Variants in VPS13A observed in about 807,000 individuals in gnomAD.
The protein encoded by VPS13A is intermembrane lipid transfer protein VPS13A.
In VPS13A, 264 loss-of-function variants were observed where a neutral mutation model predicts 390.9. The ratio of observed to expected loss-of-function variants is 0.68; its 90% CI spans 0.61 to 0.75. The LOEUF is 0.75. VPS13A is among the 30% of genes least tolerant of loss of function. VPS13A has a pLI of 0.00. For synonymous variants in VPS13A, 1,231 were observed against 1,227.1 expected (o/e 1.00, Z -0.07); for missense variants, 3,409 against 3,733.9 (o/e 0.91, Z 2.27).
intron 10 of VPS13A, among the ~76,000 whole-genome samples, chr9:77,215,757 G>A (rs1822826336): frequency 2.0e-5 from 3 of 152,234 alleles, no homozygotes; most frequent in South Asian, 2.1e-4. Flanking sequence ...AGGACATAGC[G>A]TGGCTTATTG....
chr9:77,351,153 T>G, intron 52 of VPS13A, 164 bp from the exon 53 acceptor site: 1 of 787,108 alleles, frequency 1.3e-6, no homozygotes, highest in Non-Finnish European at 1.9e-6. Flanking sequence ...TATTCATTAG[T>G]GAACCCTTTT....
chr9:77,236,293 G>A (rs1055417326), intron 17 of VPS13A, among the ~76,000 whole-genome samples: 1 of 152,162 alleles, frequency 6.6e-6, no homozygotes, highest in Non-Finnish European at 1.5e-5. Flanking sequence ...GTGCTCAAAT[G>A]TTATTTTCCT....
chr9:77,219,719 G>A (rs546971762), intron 10 of VPS13A, among the ~76,000 whole-genome samples: 22 of 151,634 alleles, frequency 1.5e-4, no homozygotes, highest in African/African-American at 5.1e-4. Context: ...ATTTTGAGGG[G>A]GAGTTCAATT....
chr9:77,278,841 T>C (rs1465006112), intron 26 of VPS13A, among the ~76,000 whole-genome samples: 1 of 152,172 alleles, frequency 6.6e-6, no homozygotes, highest in Non-Finnish European at 1.5e-5. Context: ...TATAGCACAT[T>C]TTGAGCAGAA....
At chr9:77,186,721 C>A (rs1453830741) in intron 1 of VPS13A, among the ~76,000 whole-genome samples, 1 of 152,110 alleles carries the variant, frequency 6.6e-6, no homozygotes, top group Non-Finnish European at 1.5e-5. Context: ...CAGGTGTGAC[C>A]CACCACACCC....
intron 23 of VPS13A, among the ~76,000 whole-genome samples, chr9:77,265,083 T>C (rs776596253): frequency 6.6e-6 from 1 of 152,358 alleles, no homozygotes; most frequent in Non-Finnish European, 1.5e-5. Flanking sequence ...GTTCAGTTTA[T>C]GTGATGGATT....
chr9:77,331,279 C>A (rs1282434233), intron 45 of VPS13A, among the ~76,000 whole-genome samples: 1 of 152,000 alleles, frequency 6.6e-6, no homozygotes. Context: ...TTCATTTTTA[C>A]TAAGTTTTTG....
intron 35 of VPS13A, among the ~76,000 whole-genome samples, chr9:77,312,361 TG>T (rs1403999448): frequency 1.3e-5 from 2 of 152,162 alleles, no homozygotes; most frequent in Non-Finnish European, 2.9e-5. Context: ...CCAAAAGATT[TG>T]GATACTTGAG....
chr9:77,224,850 G>C (rs182931599), intron 13 of VPS13A, among the ~76,000 whole-genome samples: 50 of 152,264 alleles, frequency 3.3e-4, no homozygotes, highest in Non-Finnish European at 6.0e-4. Context: ...AATCAGTTGT[G>C]AAAAGAAGAG....
In VPS13A at chr9:77,382,371, A is replaced by G. The variant is rs1008877316; in HGVS notation, c.9189+284A>G. On this transcript the variant is annotated intron_variant, in intron 68 of 71. Coordinates refer to ENST00000360280, the MANE Select transcript of VPS13A (RefSeq NM_033305.3). ...GTCTTAAAATTTACAAACTACGTACAGCTGTTTCAGTATTTTGAATACAAA... is the reference window on the plus strand; with the variant it reads ...GTCTTAAAATTTACAAACTACGTACGGCTGTTTCAGTATTTTGAATACAAA... 20 of 1,492,704 alleles carry G rather than the reference A, an allele frequency of 1.3e-5. No individual in the cohort carries two copies. The South Asian group carries it at 1.8e-4, about 14-fold the overall frequency. The allele number at this position is 1,492,704 out of a possible 1,614,324, so 92.5% of individuals were successfully genotyped here. A position where few individuals can be genotyped will look rare whatever the true frequency, so the allele number is the denominator to read the frequency against.
chr9:77,285,995 T>G (rs1268009977), intron 31 of VPS13A, among the ~76,000 whole-genome samples: 2 of 152,212 alleles, frequency 1.3e-5, no homozygotes, highest in South Asian at 2.1e-4. Flanking sequence ...TGTGTTTCCT[T>G]AAATCGGTAT....
chr9:77,330,268 A>G (rs963648635), intron 45 of VPS13A, among the ~76,000 whole-genome samples: 3 of 152,170 alleles, frequency 2.0e-5, no homozygotes, highest in Non-Finnish European at 4.4e-5. Context: ...CTCCTGCATC[A>G]GCCTCCCAAA....
intron 63 of VPS13A, among the ~76,000 whole-genome samples, chr9:77,369,962 C>A (rs1292948717): frequency 6.6e-6 from 1 of 152,168 alleles, no homozygotes; most frequent in Non-Finnish European, 1.5e-5. Context: ...GTAGTTTGAA[C>A]TGTGCTTGCA....
intron 17 of VPS13A, among the ~76,000 whole-genome samples, chr9:77,233,215 G>A (rs1823939608): frequency 6.6e-6 from 1 of 151,780 alleles, no homozygotes; most frequent in Non-Finnish European, 1.5e-5. Context: ...GTACTCTTTT[G>A]TAGTACTTTT....
rs750957984 is a variant in VPS13A at position 77,293,511 on chromosome 9, A to G, written c.3507+3A>G. The G allele has an allele frequency of 7.6e-6, 11 of 1,454,456 alleles. No homozygotes were observed. The African/African-American group carries it at 1.4e-4, about 19-fold the overall frequency. 90.1% of individuals were successfully genotyped at this position (1,454,456 alleles called of 1,614,324 possible). A position where few individuals can be genotyped will look rare whatever the true frequency, so the allele number is the denominator to read the frequency against. ...CGAAATTTCTATATTCTATATTGGT[A>G]AGTATTTTATTAAATTATTATTTAT... On this transcript the variant is annotated splice_donor_region_variant and intron_variant, in intron 32 of 71. Transcript: ENST00000360280.
intron 70 of VPS13A, among the ~76,000 whole-genome samples, chr9:77,406,721 C>CTT (rs200930391): frequency 4.9e-5 from 7 of 144,318 alleles, no homozygotes; most frequent in Non-Finnish European, 6.1e-5. Flanking sequence ...CCAGCCTCAT[C>CTT]TTTTTTTTTT....
rs1044193941 is a variant in VPS13A at position 77,304,157 on chromosome 9, A to G, written c.3960+1095A>G. Among the ~76,000 whole-genome samples, 21 of 152,146 alleles carry G rather than the reference A, an allele frequency of 1.4e-4. 1 individual carries two copies. Among genetic ancestry groups the G allele is most frequent in the Non-Finnish European group, 2.9e-5 (2 of 68,034 alleles). On this transcript the variant is annotated intron_variant, in intron 34 of 71. Coordinates refer to ENST00000360280, the MANE Select transcript of VPS13A (RefSeq NM_033305.3). Reference sequence around the variant, plus strand: ...TGCATTGTGCCCCAGGTTTATTGAGACTAGAGAATGGCAATGACTTTTACC... The same window carrying G: ...TGCATTGTGCCCCAGGTTTATTGAGGCTAGAGAATGGCAATGACTTTTACC...
chr9:77,194,281 G>C (rs1006150871), intron 1 of VPS13A, among the ~76,000 whole-genome samples: 1 of 152,006 alleles, frequency 6.6e-6, no homozygotes, highest in African/African-American at 2.4e-5. Context: ...GTCGGGAAGT[G>C]CTGCGGTTGG....
rs116493298 is a variant in VPS13A at position 77,291,058 on chromosome 9, C to T, written c.3340-2283C>T. Among the ~76,000 whole-genome samples the T allele has an allele frequency of 2.4e-3, 369 of 152,236 alleles. 1 individual carries two copies. Among genetic ancestry groups the T allele is most frequent in the Middle Eastern group, 0.01 (3 of 294 alleles). ...AGTCCCCAACCCCCGGGCTGTAGAA[C>T]GGTACCGGTCTGTGACCTGTTAGGA... On this transcript the variant is annotated intron_variant, in intron 31 of 71. Coordinates refer to ENST00000360280, the MANE Select transcript of VPS13A (RefSeq NM_033305.3).
Sources: allele counts gnomAD v4.1 joint callset (sites outside exome capture counted in the v4.1 genomes callset), GRCh38; gene constraint gnomAD v4.1.1; transcripts MANE v1.5; gene names NCBI Gene and HGNC (gene_info 2026-07-23, HGNC 2026-07-21).